The following UBAC2 variants were observed in gnomAD, a reference collection of about 807,000 sequenced individuals.
UBAC2 encodes the protein ubiquitin-associated domain-containing protein 2.
In UBAC2, 26 loss-of-function variants were observed where a neutral mutation model predicts 44.0. That is an observed-to-expected ratio of 0.59 (90% CI 0.43 to 0.82). The LOEUF is 0.82. Ranked by LOEUF, UBAC2 falls within the 40% of genes least tolerant of loss-of-function variation. The probability of loss-of-function intolerance (pLI) is 0.00; values close to 1 mark genes in which losing one functional copy is unlikely to be tolerated. For missense variants in UBAC2, 329 were observed against 419.4 expected, an observed-to-expected ratio of 0.78 and a Z score of 1.88; for synonymous variants, 155 against 154.3, an observed-to-expected ratio of 1.00 and a Z score of -0.04.
chr13:99,213,181 T>C (rs77475159), intron 1 of UBAC2, among the ~76,000 whole-genome samples: 2 of 152,138 alleles, frequency 1.3e-5, no homozygotes, highest in African/African-American at 4.8e-5. Context: ...ATCTCAGATA[T>C]TAAAAAACGT....
intron 1 of UBAC2, among the ~76,000 whole-genome samples, chr13:99,235,254 A>G (rs1002584340): frequency 6.6e-6 from 1 of 152,236 alleles, no homozygotes; most frequent in Non-Finnish European, 1.5e-5. Context: ...AAGGAAAACT[A>G]TCAAACACTG....
chr13:99,326,214 T>A (rs2044639354), intron 6 of UBAC2, among the ~76,000 whole-genome samples: 1 of 152,096 alleles, frequency 6.6e-6, no homozygotes, highest in Admixed American at 6.5e-5. Context: ...GTGTTTTTTG[T>A]TTTTTTATAA....
intron 1 of UBAC2, among the ~76,000 whole-genome samples, chr13:99,225,384 G>A (rs2043100097): frequency 6.6e-6 from 1 of 152,106 alleles, no homozygotes; most frequent in Admixed American, 6.5e-5. Flanking sequence ...TCTAGGTACT[G>A]CAAATAAGTG....
At chr13:99,242,920 G>C (rs990004199) in intron 2 of UBAC2, among the ~76,000 whole-genome samples, 2 of 150,996 alleles carry the variant, frequency 1.3e-5, no homozygotes, top group African/African-American at 2.4e-5. Context: ...ATGGGCGGCC[G>C]GGTAGAGACG....
intron 4 of UBAC2, chr13:99,255,127 T>C (rs777229237): frequency 6.2e-7 from 1 of 1,614,110 alleles, no homozygotes; most frequent in Non-Finnish European, 8.5e-7. Context: ...GAAACAGATG[T>C]GGAAGGGCAT....
intron 2 of UBAC2, among the ~76,000 whole-genome samples, chr13:99,241,599 G>A (rs1264267522): frequency 6.6e-6 from 1 of 152,140 alleles, no homozygotes; most frequent in African/African-American, 2.4e-5. Flanking sequence ...AGAGGGAACA[G>A]GAAGTTAGCA....
intron 1 of UBAC2, among the ~76,000 whole-genome samples, chr13:99,228,646 T>C (rs369879817): frequency 1.3e-5 from 2 of 152,124 alleles, no homozygotes; most frequent in African/African-American, 4.8e-5. Flanking sequence ...TTGAGGTAGG[T>C]TCTCATCTCC....
chr13:99,220,334 G>A (rs1473890544), intron 1 of UBAC2, among the ~76,000 whole-genome samples: 1 of 152,082 alleles, frequency 6.6e-6, no homozygotes, highest in Admixed American at 6.6e-5. Flanking sequence ...TAATTAATTC[G>A]TGCTTCAGGG....
chr13:99,284,762 G>T (rs2043996513), intron 4 of UBAC2, among the ~76,000 whole-genome samples: 1 of 152,120 alleles, frequency 6.6e-6, no homozygotes, highest in Non-Finnish European at 1.5e-5. Flanking sequence ...TCTGTCTTGG[G>T]CGACCTTGGC....
At chr13:99,205,487 C>G (rs533931958) in intron 1 of UBAC2, among the ~76,000 whole-genome samples, 1 of 152,334 alleles carries the variant, frequency 6.6e-6, no homozygotes, top group Non-Finnish European at 1.5e-5. Context: ...CCTGGGTCTC[C>G]TCCCCAGAGG....
intron 1 of UBAC2, among the ~76,000 whole-genome samples, chr13:99,237,263 T>TACACACACAC (rs753374485): frequency 8.8e-5 from 8 of 90,450 alleles, no homozygotes; most frequent in African/African-American, 1.9e-4. Context: ...CGTATATATA[T>TACACACACAC]ATATATATAC....
chr13:99,339,226 TTCA>T (rs1356271071), intron 6 of UBAC2, among the ~76,000 whole-genome samples: 18 of 152,218 alleles, frequency 1.2e-4, no homozygotes, highest in Non-Finnish European at 2.2e-4. Context: ...ATTTCCCCAG[TTCA>T]TCAAGTCACG....
At chr13:99,202,840 C>T (rs2042821643) in intron 1 of UBAC2, among the ~76,000 whole-genome samples, 1 of 152,038 alleles carries the variant, frequency 6.6e-6, no homozygotes. Flanking sequence ...CTCCTCTGGG[C>T]GATGAACTGG....
At chr13:99,321,107 A>G (rs1013054225) in intron 6 of UBAC2, among the ~76,000 whole-genome samples, 1 of 152,198 alleles carries the variant, frequency 6.6e-6, no homozygotes, top group East Asian at 1.9e-4. Context: ...TGTGTTAAGC[A>G]ATGATTTTAT....
intron 1 of UBAC2, chr13:99,215,533 CTT>C: frequency 6.8e-7 from 1 of 1,472,232 alleles, no homozygotes; most frequent in South Asian, 1.1e-5. Context: ...ACCTTTAAGT[CTT>C]TTGATGCATT....
At chr13:99,225,843 G>A (rs1036938319) in intron 1 of UBAC2, among the ~76,000 whole-genome samples, 1 of 152,164 alleles carries the variant, frequency 6.6e-6, no homozygotes, top group Admixed American at 6.5e-5. Context: ...AAATTGGAAC[G>A]TGCCTTGTAA....
chr13:99,326,128 T>G (rs531724917), intron 6 of UBAC2, among the ~76,000 whole-genome samples: 7 of 152,346 alleles, frequency 4.6e-5, no homozygotes, highest in Admixed American at 6.5e-5. Context: ...TTTCCATAGT[T>G]GCATCATTTG....
chr13:99,371,107 CA>C (rs1357003927), intron 8 of UBAC2, among the ~76,000 whole-genome samples: 2 of 150,766 alleles, frequency 1.3e-5, no homozygotes, highest in East Asian at 1.9e-4. Context: ...AAAAAAGTGT[CA>C]AAAAGGGAGT....
intron 4 of UBAC2, among the ~76,000 whole-genome samples, chr13:99,301,889 T>A (rs2044262384): frequency 6.6e-6 from 1 of 152,250 alleles, no homozygotes; most frequent in Admixed American, 6.5e-5. Context: ...TGCTGAAATG[T>A]CACCTTTGCC....
Sources: allele counts gnomAD v4.1 joint callset (sites outside exome capture counted in the v4.1 genomes callset), GRCh38; gene constraint gnomAD v4.1.1; transcripts MANE v1.5; gene names NCBI Gene and HGNC (gene_info 2026-07-23, HGNC 2026-07-21).